Variants in DROSHA observed in about 807,000 individuals in gnomAD.
DROSHA encodes the protein ribonuclease 3.
A neutral mutation model predicts 181.9 loss-of-function variants in DROSHA; 56 were observed. That is an observed-to-expected ratio of 0.31 (90% CI 0.25 to 0.38). The LOEUF is 0.38. DROSHA is among the 10% of genes least tolerant of loss of function. The pLI is 1.00. For synonymous variants in DROSHA, 524 were observed against 591.2 expected, an observed-to-expected ratio of 0.89 and a Z score of 1.65; for missense variants, 1,218 against 1,743.5, an observed-to-expected ratio of 0.70 and a Z score of 5.37.
At chr5:31,477,592 C>A (rs370817299) in intron 16 of DROSHA, among the ~76,000 whole-genome samples, 131 of 152,300 alleles carry the variant, frequency 8.6e-4, no homozygotes, top group African/African-American at 3.0e-3. Context: ...AACTACTGCT[C>A]CAGATGGGGC....
At chr5:31,515,268 G>T in intron 7 of DROSHA, 49 bp from the exon 8 acceptor site, 1 of 1,543,620 alleles carries the variant, frequency 6.5e-7, no homozygotes, top group Non-Finnish European at 8.8e-7. Flanking sequence ...CTCTTCCACT[G>T]TAAAAACTAT....
chr5:31,423,405 G>A (rs576663412), intron 28 of DROSHA: 2 of 154,030 alleles, frequency 1.3e-5, no homozygotes, highest in Non-Finnish European at 2.9e-5. Flanking sequence ...CCCAGGTGAT[G>A]CAGATGCTGC....
At position 31,411,514 on chromosome 5, in the gene DROSHA, TAAGTG is replaced by T. The variant is rs1303243973; in HGVS notation, c.3526-632_3526-628del. 6.6e-6 allele frequency among the ~76,000 whole-genome samples: 1 copy of T among 152,184 alleles called. No homozygotes were observed. The highest frequency in any genetic ancestry group is 1.5e-5 in the Non-Finnish European group (1 of 68,032). On this transcript the variant is annotated intron_variant, in intron 30 of 35. Coordinates refer to ENST00000344624, the MANE Select transcript of DROSHA (RefSeq NM_001382508.1). This position sits in a 1 kb window ranked among gnomAD's most constrained non-coding sequence, Gnocchi z 4.2. ...ATGCTAATTTTGATATTATAGGACT[TAAGTG>T]AGGTTTAAGTAAATACTATGAAAAG...
chr5:31,451,733 C>T, intron 20 of DROSHA, 93 bp from the exon 21 acceptor site: 3 of 1,018,302 alleles, frequency 2.9e-6, no homozygotes, highest in Non-Finnish European at 4.4e-6. Flanking sequence ...TTTTCACATT[C>T]CAAATTCCAT....
intron 4 of DROSHA, among the ~76,000 whole-genome samples, chr5:31,528,804 C>T (rs891288381): frequency 2.0e-5 from 3 of 152,216 alleles, no homozygotes; most frequent in African/African-American, 4.8e-5. Flanking sequence ...TCTGCCTGCA[C>T]CTCGGAACTG....
In DROSHA at chr5:31,448,936, C is replaced by T. The variant is rs189171650; in HGVS notation, c.2822-329G>A. Among the ~76,000 whole-genome samples, 133 of 152,204 alleles carry T rather than the reference C, an allele frequency of 8.7e-4. 1 individual carries two copies. The highest frequency in any genetic ancestry group is 6.8e-3 in the East Asian group (35 of 5,184). The stretch of plus-strand genomic sequence containing the variant: ...TCACTTGAGGTCAGGAGTTCAAGAC[C>T]AGCCTGGCCAACATGGCAAAACCCT... On this transcript the variant is annotated intron_variant, in intron 22 of 35. Coordinates refer to ENST00000344624, the MANE Select transcript of DROSHA (RefSeq NM_001382508.1).
intron 11 of DROSHA, among the ~76,000 whole-genome samples, chr5:31,496,807 C>T (rs1463781352): frequency 6.6e-6 from 1 of 152,194 alleles, no homozygotes; most frequent in Non-Finnish European, 1.5e-5. Context: ...AGTTACAGTC[C>T]AGTTCCTGTG....
At chr5:31,460,571 T>G (rs933925715) in intron 20 of DROSHA, among the ~76,000 whole-genome samples, 1 of 152,086 alleles carries the variant, frequency 6.6e-6, no homozygotes, top group African/African-American at 2.4e-5. Flanking sequence ...AAACAGTAGG[T>G]TCTATATCAA....
At chr5:31,497,220 T>TG (rs56097511) in intron 11 of DROSHA, among the ~76,000 whole-genome samples, 136,583 of 152,174 alleles carry the variant, frequency 0.9, 62,113 homozygotes, top group Non-Finnish European at 0.98. Flanking sequence ...GAGAGGATAA[T>TG]GTGCCCTTCA....
intron 11 of DROSHA, among the ~76,000 whole-genome samples, chr5:31,496,985 T>A (rs1451184604): frequency 6.6e-6 from 1 of 152,232 alleles, no homozygotes; most frequent in Non-Finnish European, 1.5e-5. Flanking sequence ...TGACAGCCAC[T>A]GTCCTAACCA....
chr5:31,415,344 T>C (rs1158540829), intron 30 of DROSHA, among the ~76,000 whole-genome samples: 2 of 152,076 alleles, frequency 1.3e-5, no homozygotes, highest in Non-Finnish European at 2.9e-5. Context: ...ATAACAAGAG[T>C]GGTCGCCAGA....
chr5:31,509,412 A>T (rs534989008), intron 9 of DROSHA, among the ~76,000 whole-genome samples: 91 of 152,326 alleles, frequency 6.0e-4, no homozygotes, highest in African/African-American at 2.1e-3. Flanking sequence ...ATGATCCATA[A>T]AAGGGCAGTT....
intron 23 of DROSHA, among the ~76,000 whole-genome samples, chr5:31,442,852 G>T (rs541383816): frequency 6.6e-6 from 1 of 152,000 alleles, no homozygotes; most frequent in African/African-American, 2.4e-5. Flanking sequence ...AGACCCAGGA[G>T]ATCTGAGATC....
At chr5:31,412,153 C>T (rs952231150) in intron 30 of DROSHA, among the ~76,000 whole-genome samples, 1 of 152,144 alleles carries the variant, frequency 6.6e-6, no homozygotes, top group Non-Finnish European at 1.5e-5. Flanking sequence ...ATTAACCACT[C>T]ACTAGGGAAG....
intron 30 of DROSHA, among the ~76,000 whole-genome samples, chr5:31,419,214 T>A (rs1742347462): frequency 6.6e-6 from 1 of 152,076 alleles, no homozygotes; most frequent in Non-Finnish European, 1.5e-5. Flanking sequence ...CTAATGGGAG[T>A]TGGTATCTGT....
At chr5:31,492,722 T>C (rs1042439860) in intron 13 of DROSHA, among the ~76,000 whole-genome samples, 1 of 152,192 alleles carries the variant, frequency 6.6e-6, no homozygotes, top group Admixed American at 6.5e-5. Context: ...AATACCTGTA[T>C]AAAAATATCA....
At chr5:31,530,946 T>C (rs888339798) in intron 2 of DROSHA, 22 bp from the exon 3 acceptor site, 13 of 398,262 alleles carry the variant, frequency 3.3e-5, no homozygotes, top group Non-Finnish European at 5.8e-5. Flanking sequence ...AGGTGGTCAA[T>C]AAATGTTTAC....
chr5:31,515,520 G>C lies in DROSHA; in HGVS notation c.992C>G (p.Pro331Arg). ...SVVPEPAGCT[P>R]ELPGEIIKNT... ...TTTAATAATCTCCCCAGGTAATTCT[G>C]GTGTGCATCCAGCAGGTTCAGGAAC... The change falls in exon 7 of 36, where the codon CCA becomes CGA. Residue 331 changes from proline to arginine, a missense_variant. By Grantham distance (103) the Pro-to-Arg change is moderately radical (BLOSUM62 -2). Coordinates refer to ENST00000344624, the MANE Select transcript of DROSHA (RefSeq NM_001382508.1). 6.5e-7 allele frequency: 1 copy of C among 1,530,640 alleles called. No individual in the cohort carries two copies. The highest frequency in any genetic ancestry group is 8.9e-7 in the Non-Finnish European group (1 of 1,127,632). The allele number at this position is 1,530,640 out of a possible 1,614,324, so 94.8% of individuals were successfully genotyped here.
At chr5:31,525,992 G>T (rs1396599258) in intron 5 of DROSHA, 87 bp downstream of exon 5, 2 of 1,307,562 alleles carry the variant, frequency 1.5e-6, no homozygotes, top group South Asian at 1.7e-5. Flanking sequence ...TGCCCTACTG[G>T]ATCCTTTTGG....
Sources: allele counts gnomAD v4.1 joint callset (sites outside exome capture counted in the v4.1 genomes callset), GRCh38; gene constraint gnomAD v4.1.1; non-coding constraint Gnocchi (gnomAD v3.1); transcripts MANE v1.5; gene names NCBI Gene and HGNC (gene_info 2026-07-23, HGNC 2026-07-21).